The following NLRP7 variants were observed in gnomAD, a reference collection of about 807,000 sequenced individuals.
NLRP7 encodes NLR family pyrin domain containing 7, also known as NACHT, LRR and PYD domains-containing protein 7.
NLRP7 carries 72 observed loss-of-function variants against 85.5 expected under a neutral mutation model. That is an observed-to-expected ratio of 0.84 (90% CI 0.70 to 1.02). The LOEUF (loss-of-function observed/expected upper bound fraction) is 1.02. NLRP7 is among the 50% of genes least tolerant of loss of function. The pLI, the probability that NLRP7 is intolerant of heterozygous loss-of-function variation, is 0.00. For synonymous variants in NLRP7, 550 were observed against 505.2 expected (o/e 1.09, Z -1.19); for missense variants, 1,243 against 1,219.5 (o/e 1.02, Z -0.29).
At chr19:54,942,255 CAAAAAAAAAAAAAAAA>C (rs576434793) in intron 1 of NLRP7, among the ~76,000 whole-genome samples, 10 of 59,442 alleles carry the variant, frequency 1.7e-4, no homozygotes, top group Non-Finnish European at 2.2e-4. Flanking sequence ...GACTCCGTCT[CAAAAAAAAAAAAAAAA>C]AAAAAAAAAA....
chr19:54,923,655 T>C (rs1602095652), exon 10 of NLRP7: 1 of 1,453,994 alleles, frequency 6.9e-7, no homozygotes, highest in Non-Finnish European at 9.6e-7. Context: ...AGTGTTAACA[T>C]GTGACCCTCT....
chr19:54,934,465 T>C lies in NLRP7; in HGVS notation c.2471+24A>G, dbSNP rs763143962. Reference sequence around the variant, plus strand: ...TATAGCCCCAGAACTAAACCAGAGCTGCCCATGGGAAGAGGAGACTTACGA... The same window carrying C: ...TATAGCCCCAGAACTAAACCAGAGCCGCCCATGGGAAGAGGAGACTTACGA... On this transcript the variant is annotated intron_variant, in intron 7 of 9. Coordinates refer to ENST00000340844, the Ensembl canonical transcript of NLRP7. The surrounding 1 kb of genome is among the most constrained non-coding windows in gnomAD (Gnocchi z 6.7). 1.5e-5 allele frequency: 25 copies of C among 1,613,252 alleles called. No individual in the cohort carries two copies. Among genetic ancestry groups the C allele is most frequent in the Non-Finnish European group, 2.0e-5 (23 of 1,179,326 alleles).
chr19:54,938,211 A>G, exon 5 of NLRP7: 2 of 1,614,132 alleles, frequency 1.2e-6, no homozygotes, highest in Non-Finnish European at 1.7e-6. Context: ...GATCCTGCCG[A>G]GCCCAGTTCG....
chr19:54,939,223 C>T lies in NLRP7; in HGVS notation c.1596G>A (p.Lys532=), dbSNP rs757248625. 5.0e-6 allele frequency: 8 copies of T among 1,614,134 alleles called. No homozygotes were observed. In the African/African-American group the frequency reaches 6.7e-5, roughly 13 times the overall value. The change falls in exon 4 of 10, where the codon AAG becomes AAA. Residue 532 remains lysine (K), a synonymous_variant. Transcript: ENST00000340844. Reference sequence around the variant, plus strand: ...GGCAGCCAAAAGTGGCCTCCAACTCCTTGGCTCTCTTCTCGTTAGCGAGGC... The same window carrying T: ...GGCAGCCAAAAGTGGCCTCCAACTCTTTGGCTCTCTTCTCGTTAGCGAGGC...
chr19:54,939,006 T>A, exon 4 of NLRP7: 1 of 1,614,218 alleles, frequency 6.2e-7, no homozygotes, highest in Non-Finnish European at 8.5e-7. Context: ...GAACAATGCA[T>A]CACTTCAGAA....
chr19:54,933,843 G>T, intron 7 of NLRP7, 104 bp from the exon 8 acceptor site: 1 of 983,732 alleles, frequency 1.0e-6, no homozygotes, highest in Non-Finnish European at 1.6e-6. Flanking sequence ...AGCCCTTCCT[G>T]TTCATCCCCT....
intron 1 of NLRP7, among the ~76,000 whole-genome samples, chr19:54,952,661 C>T (rs2069708690): frequency 6.6e-6 from 1 of 151,990 alleles, no homozygotes; most frequent in African/African-American, 2.4e-5. Flanking sequence ...CCCATCTCCT[C>T]ATTCCTCAGC....
upstream of NLRP7, among the ~76,000 whole-genome samples, chr19:54,951,559 AAAAAACAAAAAC>A (rs549875584): frequency 3.9e-5 from 6 of 152,198 alleles, no homozygotes; most frequent in South Asian, 4.1e-4. Flanking sequence ...CTCAAAAAAC[AAAAAACAAAAAC>A]AAAAACAAAA....
At chr19:54,938,760 C>T (rs2069058335) in intron 4 of NLRP7, 128 bp downstream of exon 4, 3 of 1,018,120 alleles carry the variant, frequency 2.9e-6, no homozygotes, top group Non-Finnish European at 4.5e-6. Flanking sequence ...ATTGCCAAGT[C>T]GTGTCTCCAC....
intron 5 of NLRP7, among the ~76,000 whole-genome samples, chr19:54,937,316 C>T (rs1219029176): frequency 6.6e-6 from 1 of 151,912 alleles, no homozygotes; most frequent in Non-Finnish European, 1.5e-5. Context: ...CAACAAACTC[C>T]TATGACACAC....
At chr19:54,956,649 G>C (rs958111621) in intron 1 of NLRP7, among the ~76,000 whole-genome samples, 5 of 145,676 alleles carry the variant, frequency 3.4e-5, no homozygotes, top group Non-Finnish European at 7.6e-5. Flanking sequence ...AGCTGAGATT[G>C]TGCCTTTGCA....
upstream of NLRP7, among the ~76,000 whole-genome samples, chr19:54,951,420 G>T (rs903969340): frequency 3.3e-5 from 5 of 152,034 alleles, no homozygotes; most frequent in African/African-American, 9.6e-5. Flanking sequence ...GTAGTTCAAC[G>T]CCTGTAATCC....
intron 9 of NLRP7, among the ~76,000 whole-genome samples, chr19:54,924,756 T>C (rs961010173): frequency 1.3e-5 from 2 of 152,036 alleles, no homozygotes; most frequent in Non-Finnish European, 2.9e-5. Context: ...GCCAACATAG[T>C]GAAACCCCGT....
Position 54,934,040 on chromosome 19 carries a change from T to C in NLRP7, c.2472-301A>G, listed in dbSNP as rs950481969. Reference sequence around the variant, plus strand: ...TCACTGCCAATCGCCGCCTCCCAGGTTTACACCATTCTGCTGACTCAGCCT... The same window carrying C: ...TCACTGCCAATCGCCGCCTCCCAGGCTTACACCATTCTGCTGACTCAGCCT... On this transcript the variant is annotated intron_variant, in intron 7 of 9. Transcript: ENST00000340844. This position sits in a 1 kb window ranked among gnomAD's most constrained non-coding sequence, Gnocchi z 6.7. 6.6e-6 allele frequency among the ~76,000 whole-genome samples: 1 copy of C among 152,052 alleles called. No homozygotes were observed. The highest frequency in any genetic ancestry group is 2.4e-5 in the African/African-American group (1 of 41,424).
At chr19:54,925,628 C>T (rs1008461158) in intron 9 of NLRP7, among the ~76,000 whole-genome samples, 8 of 152,080 alleles carry the variant, frequency 5.3e-5, no homozygotes, top group African/African-American at 1.9e-4. Flanking sequence ...CACGGCCACA[C>T]AGTGCAGCAG....
intron 1 of NLRP7, among the ~76,000 whole-genome samples, chr19:54,953,603 T>G (rs1330554383): frequency 1.3e-5 from 2 of 151,914 alleles, no homozygotes; most frequent in African/African-American, 4.8e-5. Flanking sequence ...CGGGGCTGTC[T>G]GCTTGTGGAT....
At chr19:54,952,402 G>A (rs149234522), upstream of NLRP7, among the ~76,000 whole-genome samples, 3,871 of 151,988 alleles carry the variant, frequency 0.025, 177 homozygotes, top group African/African-American at 0.088. Flanking sequence ...AGACCAGCCT[G>A]GCCAACATAG....
rs182145758 is a variant in NLRP7, at chr19:54,943,726, A to T, written c.-39-1976T>A. ...GAGGGAACAGCAAATCTTTTTCCCCAGCTGTGACGTGTGGGGAAAAGGAGG... is the reference window on the plus strand; with the variant it reads ...GAGGGAACAGCAAATCTTTTTCCCCTGCTGTGACGTGTGGGGAAAAGGAGG... On this transcript the variant is annotated intron_variant, in intron 1 of 9. Transcript: ENST00000340844. Among the ~76,000 whole-genome samples, 950 of 152,298 alleles carry T rather than the reference A, an allele frequency of 6.2e-3. 7 individuals are homozygous for T. Among genetic ancestry groups the T allele is most frequent in the Middle Eastern group, 0.01 (3 of 294 alleles).
intron 1 of NLRP7, chr19:54,965,341 C>T (rs959839857): frequency 9.6e-6 from 1 of 104,228 alleles, no homozygotes; most frequent in Non-Finnish European, 2.0e-5. Context: ...ACCTGCAGCC[C>T]TCATCTCCGC....
Sources: gnomAD v4.1 joint callset for allele counts (sites outside exome capture counted in the v4.1 genomes callset) on GRCh38, gnomAD v4.1.1 for gene constraint, Gnocchi (gnomAD v3.1) non-coding constraint, MANE v1.5 for transcripts, NCBI Gene and HGNC (gene_info 2026-07-23, HGNC 2026-07-21) for gene names.